Variants in ANO4 observed in about 807,000 individuals in gnomAD.
ANO4 encodes anoctamin-4.
In ANO4, 69 loss-of-function variants were observed where a neutral mutation model predicts 141.9. The ratio of observed to expected loss-of-function variants is 0.49; its 90% CI spans 0.40 to 0.59. The LOEUF (loss-of-function observed/expected upper bound fraction) is 0.59. Among genes scored for constraint, ANO4 ranks in the 20% least tolerant of loss-of-function variants. ANO4 has a pLI of 0.00. For missense variants in ANO4, 894 were observed against 1,162.2 expected, an observed-to-expected ratio of 0.77 and a Z score of 3.36; for synonymous variants, 350 against 394.3, an observed-to-expected ratio of 0.89 and a Z score of 1.33.
At chr12:100,905,360 A>G (rs1474310551) in intron 2 of ANO4, among the ~76,000 whole-genome samples, 2 of 152,214 alleles carry the variant, frequency 1.3e-5, no homozygotes, top group African/African-American at 2.4e-5. Context: ...CAAAGAGGAC[A>G]TGAACCACGA....
At chr12:100,988,224 T>C (rs887292157) in intron 8 of ANO4, among the ~76,000 whole-genome samples, 3 of 151,882 alleles carry the variant, frequency 2.0e-5, no homozygotes, top group Admixed American at 1.3e-4. Context: ...ACTTTTGACA[T>C]GGGGGGAGGA....
At chr12:101,068,701 G>T in intron 14 of ANO4, 2 of 1,297,428 alleles carry the variant, frequency 1.5e-6, no homozygotes, top group South Asian at 1.2e-5. Flanking sequence ...AGATTCTTGT[G>T]TGAAAGCTGA....
intron 22 of ANO4, among the ~76,000 whole-genome samples, chr12:101,106,361 G>A (rs553981559): frequency 4.6e-5 from 7 of 151,980 alleles, no homozygotes; most frequent in Non-Finnish European, 1.0e-4. Flanking sequence ...AAATTAAAAG[G>A]AGGTAAACTT....
At chr12:100,861,330 T>C (rs1018302028) in intron 1 of ANO4, among the ~76,000 whole-genome samples, 3 of 152,190 alleles carry the variant, frequency 2.0e-5, no homozygotes, top group Admixed American at 6.5e-5. Flanking sequence ...ACTATGCACC[T>C]TGGGTATGTG....
At position 101,068,273 on chromosome 12, in the gene ANO4, C is replaced by T. The variant is rs116774850; in HGVS notation, c.1313-10920C>T. ...TCTGGGACAAGAGACTCATGAGTTC[C>T]TGCCTCTGCTGCAGATTCCGCCTGC... On this transcript the variant is annotated intron_variant, in intron 14 of 27. Transcript: ENST00000392977. 1.9e-3 allele frequency: 2,786 copies of T among 1,436,436 alleles called. 60 individuals are homozygous for T. The African/African-American group carries it at 0.036, about 18-fold the overall frequency. The allele number at this position is 1,436,436 out of a possible 1,614,324, so 89.0% of individuals were successfully genotyped here. A position where few individuals can be genotyped will look rare whatever the true frequency, so the allele number is the denominator to read the frequency against.
rs56891905 is a variant in ANO4, at chr12:101,086,080, CTGTGTGTGTGTGTGTG to C, written c.1537-550_1537-535del. Among the ~76,000 whole-genome samples the C allele has an allele frequency of 5.1e-3, 673 of 131,804 alleles. 3 individuals are homozygous for C. Among genetic ancestry groups the C allele is most frequent in the African/African-American group, 0.017 (619 of 36,146 alleles). 86.5% of individuals were successfully genotyped at this position (131,804 alleles called of 152,430 possible). ...GAAGGATGAGTAGGTGTTAACTAGG[CTGTGTGTGTGTGTGTG>C]TGTGTGTGTGTGTGTGTGTGTGTGT... On this transcript the variant is annotated intron_variant, in intron 16 of 27. Coordinates refer to ENST00000392977, the MANE Select transcript of ANO4 (RefSeq NM_001286615.2).
chr12:100,925,144 CA>C (rs765479023), intron 3 of ANO4, among the ~76,000 whole-genome samples: 1 of 152,040 alleles, frequency 6.6e-6, no homozygotes, highest in Non-Finnish European at 1.5e-5. Flanking sequence ...CAGGCTGGGT[CA>C]TTTCTGGAAG....
chr12:101,104,931 AT>A (rs900110571), intron 22 of ANO4, among the ~76,000 whole-genome samples: 6 of 151,892 alleles, frequency 4.0e-5, no homozygotes, highest in African/African-American at 1.5e-4. Context: ...TGCTTTATGT[AT>A]TTTGAAACTG....
intron 3 of ANO4, among the ~76,000 whole-genome samples, chr12:100,786,614 A>G (rs1320290816): frequency 2.0e-5 from 3 of 152,194 alleles, no homozygotes; most frequent in African/African-American, 7.2e-5. Context: ...TCTGCCTGGA[A>G]GAATCAATAC....
Position 101,074,287 on chromosome 12 carries a change from G to A in ANO4, c.1313-4906G>A, listed in dbSNP as rs2048939485. Among the ~76,000 whole-genome samples, 3 of 152,320 alleles carry A rather than the reference G, an allele frequency of 2.0e-5. 1 individual carries two copies. In the South Asian group the frequency reaches 6.2e-4, roughly 32 times the overall value. Reference sequence around the variant, plus strand: ...TCCACATGGTCACTCAGGGACTCATGTTCCTACAAAAGAGCTGTTTCCCAT... The same window carrying A: ...TCCACATGGTCACTCAGGGACTCATATTCCTACAAAAGAGCTGTTTCCCAT... On this transcript the variant is annotated intron_variant, in intron 14 of 27. Coordinates refer to ENST00000392977, the MANE Select transcript of ANO4 (RefSeq NM_001286615.2).
intron 8 of ANO4, among the ~76,000 whole-genome samples, chr12:101,008,308 A>T (rs1044093267): frequency 6.6e-6 from 1 of 152,188 alleles, no homozygotes; most frequent in African/African-American, 2.4e-5. Context: ...CCTCCCAAGA[A>T]GCAGCCCCTT....
chr12:100,836,598 G>A (rs981572778), intron 1 of ANO4, among the ~76,000 whole-genome samples: 3 of 151,426 alleles, frequency 2.0e-5, no homozygotes, highest in African/African-American at 7.3e-5. Flanking sequence ...GTGTGATACG[G>A]GCTGTGATAT....
chr12:100,930,789 T>C (rs545116587), intron 3 of ANO4, among the ~76,000 whole-genome samples: 2 of 152,152 alleles, frequency 1.3e-5, no homozygotes, highest in Non-Finnish European at 2.9e-5. Flanking sequence ...GTAAAAGCAG[T>C]AAAATGTATT....
At chr12:100,938,296 G>A (rs561981297) in intron 3 of ANO4, among the ~76,000 whole-genome samples, 17 of 152,284 alleles carry the variant, frequency 1.1e-4, no homozygotes, top group African/African-American at 4.1e-4. Context: ...TTGCCACAAG[G>A]GCAGGAAGCC....
At chr12:101,114,868 G>A (rs1475270415) in intron 24 of ANO4, among the ~76,000 whole-genome samples, 1 of 152,100 alleles carries the variant, frequency 6.6e-6, no homozygotes, top group Admixed American at 6.6e-5. Context: ...CTGCCAGTTG[G>A]ATTAAGGCAT....
At chr12:100,730,315 C>CCG (rs1346270213) in intron 1 of ANO4, among the ~76,000 whole-genome samples, 21 of 151,908 alleles carry the variant, frequency 1.4e-4, no homozygotes, top group Admixed American at 1.4e-3. Context: ...CCTCCCCTGC[C>CCG]CCCCAAGAGT....
chr12:100,920,944 A>C (rs1592720829), intron 2 of ANO4, among the ~76,000 whole-genome samples: 1 of 152,102 alleles, frequency 6.6e-6, no homozygotes, highest in Non-Finnish European at 1.5e-5. Flanking sequence ...CTGCTCTGTG[A>C]GTCTGTTATC....
intron 14 of ANO4, among the ~76,000 whole-genome samples, chr12:101,072,264 A>G (rs2048844633): frequency 6.6e-6 from 1 of 152,166 alleles, no homozygotes; most frequent in East Asian, 1.9e-4. Flanking sequence ...CAGGGAAGAT[A>G]TACCTACTTC....
chr12:101,119,357 G>T (rs1328232765), intron 25 of ANO4, among the ~76,000 whole-genome samples: 1 of 152,132 alleles, frequency 6.6e-6, no homozygotes, highest in Non-Finnish European at 1.5e-5. Flanking sequence ...CTACTTGGGA[G>T]GTAGGAGTAT....
Sources: allele counts gnomAD v4.1 joint callset (sites outside exome capture counted in the v4.1 genomes callset), GRCh38; gene constraint gnomAD v4.1.1; transcripts MANE v1.5; gene names NCBI Gene and HGNC (gene_info 2026-07-23, HGNC 2026-07-21).